The following ASPRV1 variants were observed in gnomAD, a reference collection of about 807,000 sequenced individuals.
ASPRV1 encodes the protein retroviral-like aspartic protease 1.
In ASPRV1, 7 loss-of-function variants were observed where a neutral mutation model predicts 11.0. The observed-to-expected ratio is 0.64, with a 90% CI of 0.36 to 1.20. The LOEUF is 1.20. Ranked by LOEUF, ASPRV1 falls within the 50% of genes most tolerant of loss-of-function variation. ASPRV1 has a pLI of 0.02. For missense variants in ASPRV1, 299 were observed against 320.0 expected, an observed-to-expected ratio of 0.93 and a Z score of 0.50; for synonymous variants, 136 against 138.4, an observed-to-expected ratio of 0.98 and a Z score of 0.12.
At chr2:69,968,776 G>A in the ASPRV1 span, among the ~76,000 whole-genome samples, 1 of 152,184 alleles carries the variant, frequency 6.6e-6, no homozygotes, top group Non-Finnish European at 1.5e-5. Flanking sequence ...CTTGGGCACT[G>A]GAACCCCTGG....
the ASPRV1 span, among the ~76,000 whole-genome samples, chr2:70,024,170 G>C: frequency 6.7e-6 from 1 of 149,676 alleles, no homozygotes; most frequent in Non-Finnish European, 1.5e-5. Context: ...AATATAGTAA[G>C]ACTATGAAAA....
the ASPRV1 span, among the ~76,000 whole-genome samples, chr2:69,935,152 G>A: frequency 9.9e-5 from 15 of 152,138 alleles, no homozygotes; most frequent in African/African-American, 2.9e-4. Context: ...ACTTAGCTTC[G>A]AAAACCTTGG....
the ASPRV1 span, among the ~76,000 whole-genome samples, chr2:70,010,877 T>A: frequency 5.3e-5 from 8 of 152,350 alleles, no homozygotes; most frequent in Admixed American, 2.0e-4. Flanking sequence ...CTGTGAGTGC[T>A]GGAGGTCAGG....
chr2:70,066,678 G>A, the ASPRV1 span, among the ~76,000 whole-genome samples: 13 of 151,976 alleles, frequency 8.6e-5, no homozygotes, highest in African/African-American at 3.1e-4. Context: ...GTTCGTTGCA[G>A]CTTCAACCTC....
At chr2:70,046,781 G>A in the ASPRV1 span, 1 of 152,156 alleles carries the variant, frequency 6.6e-6, no homozygotes, top group Non-Finnish European at 1.5e-5. Flanking sequence ...TTACTCAACA[G>A]CATGTGCTCA....
At chr2:70,053,765 C>A in the ASPRV1 span, 1 of 151,702 alleles carries the variant, frequency 6.6e-6, no homozygotes, top group East Asian at 1.9e-4. Flanking sequence ...CACTCATGTA[C>A]GCATCTCAAG....
the ASPRV1 span, chr2:69,938,234 A>G: frequency 1.9e-6 from 3 of 1,614,208 alleles, no homozygotes; most frequent in Non-Finnish European, 2.5e-6. Flanking sequence ...CAGCACCAGC[A>G]TCAAGAGAAT....
chr2:70,080,701 C>G, the ASPRV1 span, among the ~76,000 whole-genome samples: 1 of 152,190 alleles, frequency 6.6e-6, no homozygotes, highest in Non-Finnish European at 1.5e-5. Context: ...TGTGCTCTAG[C>G]AAGTATAGTC....
chr2:70,022,619 G>A, the ASPRV1 span, among the ~76,000 whole-genome samples: 28 of 152,166 alleles, frequency 1.8e-4, no homozygotes, highest in East Asian at 4.9e-3. Flanking sequence ...GAGCCTAGGA[G>A]GTCAAGGCTG....
chr2:69,955,691 G>A (rs888263058), downstream of ASPRV1, among the ~76,000 whole-genome samples: 4 of 152,296 alleles, frequency 2.6e-5, no homozygotes, highest in South Asian at 2.1e-4. Flanking sequence ...TTGCAGGAGC[G>A]TGTGTGATGT....
the ASPRV1 span, among the ~76,000 whole-genome samples, chr2:70,056,961 T>C: frequency 3.0e-3 from 451 of 152,150 alleles, 4 homozygotes; most frequent in African/African-American, 0.011. Flanking sequence ...GGTCTCAAAC[T>C]CCTGACCTCA....
the ASPRV1 span, among the ~76,000 whole-genome samples, chr2:69,999,147 G>A: frequency 2.6e-5 from 4 of 152,160 alleles, no homozygotes; most frequent in African/African-American, 9.7e-5. Context: ...CCAGGCTGGA[G>A]TGCAGTGGCT....
the ASPRV1 span, among the ~76,000 whole-genome samples, chr2:70,032,460 C>G: frequency 6.7e-6 from 1 of 150,232 alleles, no homozygotes; most frequent in South Asian, 2.1e-4. Context: ...AGTTCGAGAT[C>G]AGCCTAAGCA....
the ASPRV1 span, among the ~76,000 whole-genome samples, chr2:70,027,221 T>G: frequency 8.0e-6 from 1 of 125,316 alleles, no homozygotes; most frequent in African/African-American, 3.1e-5. Flanking sequence ...TCCTGGCCAC[T>G]GCACTCAGCC....
chr2:69,964,162 T>C, upstream of ASPRV1: 1 of 301,362 alleles, frequency 3.3e-6, no homozygotes, highest in South Asian at 2.7e-5. Flanking sequence ...AACAAGTTTA[T>C]AGTAACCTCC....
At chr2:69,977,740 A>T in the ASPRV1 span, among the ~76,000 whole-genome samples, 3 of 152,314 alleles carry the variant, frequency 2.0e-5, no homozygotes, top group Non-Finnish European at 4.4e-5. Context: ...TAAGATTTGG[A>T]TACAGAAAGT....
chr2:69,998,396 C>T, the ASPRV1 span, among the ~76,000 whole-genome samples: 2 of 151,874 alleles, frequency 1.3e-5, no homozygotes, highest in African/African-American at 2.4e-5. Context: ...GAAAAATATG[C>T]ATCTGCTAAA....
chr2:70,004,067 C>T, the ASPRV1 span, among the ~76,000 whole-genome samples: 5 of 152,140 alleles, frequency 3.3e-5, no homozygotes, highest in Non-Finnish European at 7.3e-5. Flanking sequence ...TGAGAGGAAT[C>T]CCACACTGGC....
the ASPRV1 span, chr2:70,034,840 T>G: frequency 2.6e-5 from 4 of 152,142 alleles, no homozygotes; most frequent in Admixed American, 1.3e-4. Context: ...CAGTCAGAAT[T>G]ATGGGCTTTG....
Sources: gnomAD v4.1 joint callset for allele counts (sites outside exome capture counted in the v4.1 genomes callset) on GRCh38, gnomAD v4.1.1 for gene constraint, MANE v1.5 for transcripts, NCBI Gene and HGNC (gene_info 2026-07-23, HGNC 2026-07-21) for gene names.